Variants in CPO observed in about 807,000 individuals in gnomAD.
The protein encoded by CPO is metallocarboxypeptidase C.
A neutral mutation model predicts 41.2 loss-of-function variants in CPO; 43 were observed. The ratio of observed to expected loss-of-function variants is 1.04; its 90% confidence interval spans 0.82 to 1.35. The LOEUF (loss-of-function observed/expected upper bound fraction) is 1.35, where lower values mean the gene tolerates loss of function less well. Among genes scored for constraint, CPO ranks in the 40% most tolerant of loss-of-function variants. CPO has a pLI of 0.00. For missense variants in CPO, 408 were observed against 451.7 expected, an observed-to-expected ratio of 0.90 and a Z score of 0.88; for synonymous variants, 178 against 162.7, an observed-to-expected ratio of 1.09 and a Z score of -0.72.
chr2:206,967,071 T>A (rs535960268), intron 7 of CPO, among the ~76,000 whole-genome samples: 89 of 152,122 alleles, frequency 5.9e-4, no homozygotes, highest in Non-Finnish European at 1.0e-3. Flanking sequence ...GGGTAAGGCT[T>A]TGGCAGATCA....
At chr2:206,959,776 A>G (rs769415564) in intron 5 of CPO, 35 bp downstream of exon 5, 1 of 930,902 alleles carries the variant, frequency 1.1e-6, no homozygotes, top group East Asian at 2.4e-5. Flanking sequence ...GGATGAGTTC[A>G]TGAACTAAAG....
intron 3 of CPO, among the ~76,000 whole-genome samples, 153 bp downstream of exon 3, chr2:206,955,717 C>A (rs1444763843): frequency 1.3e-5 from 2 of 152,136 alleles, no homozygotes; most frequent in South Asian, 4.1e-4. Context: ...AAGTTCAAAA[C>A]TCATAGATGC....
At chr2:206,950,099 T>C (rs1693222788) in intron 2 of CPO, among the ~76,000 whole-genome samples, 2 of 152,168 alleles carry the variant, frequency 1.3e-5, no homozygotes, top group South Asian at 4.1e-4. Flanking sequence ...TTGAATCATA[T>C]TTAGCTGAAA....
At chr2:206,956,880 T>C (rs971280533) in intron 3 of CPO, among the ~76,000 whole-genome samples, 1 of 152,298 alleles carries the variant, frequency 6.6e-6, no homozygotes, top group Non-Finnish European at 1.5e-5. Flanking sequence ...GAGCAACTGG[T>C]TGATGTATTA....
chr2:206,959,738 A>C lies in CPO; in HGVS notation c.480A>C (p.Thr160=). 7.4e-7 allele frequency: 1 copy of C among 1,346,236 alleles called. No homozygotes were observed. Among genetic ancestry groups the C allele is most frequent in the Non-Finnish European group, 1.1e-6 (1 of 936,774 alleles). 83.4% of individuals were successfully genotyped at this position (1,346,236 alleles called of 1,614,324 possible). The change falls in exon 5 of 9, where the codon ACA becomes ACC. Residue 160 remains threonine, a synonymous_variant. Coordinates refer to ENST00000272852, the MANE Select transcript of CPO (RefSeq NM_173077.3). ...LNIDGYIYTW[T]TDRLWRKSRS... ...TAGATGGTTATATCTACACTTGGAC[A>C]ACTGTGAGTACACCATGTTTGGTCC...
Position 206,949,696 on chromosome 2 carries a change from T to C in CPO, c.148T>C (p.Tyr50His). ...CCTGGAGACGTATTCCTATAACATA[T>C]ACCACCCCATGGGAGAGGTAAGGAA... ...WSLETYSYNI[Y>H]HPMGEIYEWM... The change falls in exon 2 of 9, where the codon TAC becomes CAC. Residue 50 changes from tyrosine to histidine, a missense_variant. Coordinates refer to ENST00000272852, the MANE Select transcript of CPO (RefSeq NM_173077.3). 1.2e-6 allele frequency: 2 copies of C among 1,610,346 alleles called. No homozygotes were observed. Among genetic ancestry groups the C allele is most frequent in the South Asian group, 2.2e-5 (2 of 90,960 alleles).
At chr2:206,940,975 G>C (rs1385667544) in intron 1 of CPO, among the ~76,000 whole-genome samples, 3 of 151,842 alleles carry the variant, frequency 2.0e-5, no homozygotes, top group Non-Finnish European at 2.9e-5. Flanking sequence ...TGTACATAGG[G>C]CATTTATTTT....
At chr2:206,958,844 C>T (rs932580225) in intron 4 of CPO, among the ~76,000 whole-genome samples, 3 of 145,982 alleles carry the variant, frequency 2.1e-5, no homozygotes, top group South Asian at 4.3e-4. Flanking sequence ...TGGGTTCAAG[C>T]GATTCTCCTG....
intron 2 of CPO, among the ~76,000 whole-genome samples, chr2:206,953,057 A>G (rs1388435291): frequency 6.6e-6 from 1 of 152,152 alleles, no homozygotes; most frequent in East Asian, 1.9e-4. Context: ...TCCTCCCATG[A>G]TATCTGGGGA....
chr2:206,940,997 T>C (rs936659630), intron 1 of CPO, among the ~76,000 whole-genome samples: 2 of 152,092 alleles, frequency 1.3e-5, no homozygotes, highest in African/African-American at 4.8e-5. Flanking sequence ...CTTTCTGAAA[T>C]TCCTCATCCA....
chr2:206,944,580 A>G (rs1693106924), intron 1 of CPO, among the ~76,000 whole-genome samples: 1 of 152,006 alleles, frequency 6.6e-6, no homozygotes, highest in Non-Finnish European at 1.5e-5. Context: ...TGTTTTAACC[A>G]ATTATTTGGA....
intron 7 of CPO, among the ~76,000 whole-genome samples, chr2:206,967,751 G>A (rs1693613711): frequency 6.6e-6 from 1 of 152,190 alleles, no homozygotes; most frequent in Admixed American, 6.5e-5. Flanking sequence ...AAACTAGGCT[G>A]AGAAGTTTGT....
chr2:206,947,656 T>G (rs1693171538), intron 1 of CPO, among the ~76,000 whole-genome samples: 1 of 152,074 alleles, frequency 6.6e-6, no homozygotes, highest in African/African-American at 2.4e-5. Context: ...ACACATCTGA[T>G]AAAGGACTGT....
At chr2:206,948,043 C>G (rs1480721549) in intron 1 of CPO, among the ~76,000 whole-genome samples, 2 of 152,186 alleles carry the variant, frequency 1.3e-5, no homozygotes, top group African/African-American at 4.8e-5. Flanking sequence ...TAAACAAACT[C>G]TTACCATATT....
intron 1 of CPO, among the ~76,000 whole-genome samples, chr2:206,943,742 ATAG>A (rs1693084778): frequency 7.4e-6 from 1 of 135,938 alleles, no homozygotes; most frequent in Admixed American, 7.2e-5. Flanking sequence ...AGATAGATAG[ATAG>A]ATAGATAGAT....
intron 2 of CPO, among the ~76,000 whole-genome samples, chr2:206,954,600 C>T (rs967120571): frequency 6.6e-6 from 1 of 152,180 alleles, no homozygotes; most frequent in African/African-American, 2.4e-5. Flanking sequence ...CTGCCTTTTA[C>T]CCAGTTCCAA....
intron 1 of CPO, among the ~76,000 whole-genome samples, chr2:206,942,345 T>C (rs1039284475): frequency 2.0e-5 from 3 of 152,110 alleles, no homozygotes; most frequent in Non-Finnish European, 2.9e-5. Context: ...TTGATAATTC[T>C]TCTCTTTTCT....
At chr2:206,943,355 G>A (rs547760685) in intron 1 of CPO, among the ~76,000 whole-genome samples, 9 of 152,082 alleles carry the variant, frequency 5.9e-5, no homozygotes, top group Non-Finnish European at 1.2e-4. Context: ...CAGGGAGTGG[G>A]GGGTTGGGAG....
chr2:206,968,014 G>A lies in CPO; in HGVS notation c.778-249G>A, dbSNP rs141668921. ...GAGATGCCTGCAGAATTCTACGTGT[G>A]TGTTTGGAAGAGAATGCAAGCCCAG... On this transcript the variant is annotated intron_variant, in intron 7 of 8. Transcript: ENST00000272852. Among the ~76,000 whole-genome samples the A allele has an allele frequency of 1.4e-4, 21 of 152,356 alleles. No homozygotes were observed. In the East Asian group the frequency reaches 1.9e-3, roughly 14 times the overall value.
Sources: gnomAD v4.1 joint callset for allele counts (sites outside exome capture counted in the v4.1 genomes callset) on GRCh38, gnomAD v4.1.1 for gene constraint, MANE v1.5 for transcripts, NCBI Gene and HGNC (gene_info 2026-07-23, HGNC 2026-07-21) for gene names.